TUBGCP3: variants seen among roughly 807,000 people sequenced by gnomAD.
The protein encoded by TUBGCP3 is gamma-tubulin complex component 3.
A neutral mutation model predicts 123.1 loss-of-function variants in TUBGCP3; 50 were observed. The ratio of observed to expected loss-of-function variants is 0.41; its 90% CI spans 0.32 to 0.51. The LOEUF (loss-of-function observed/expected upper bound fraction) is 0.51, where lower values mean the gene tolerates loss of function less well. Among genes scored for constraint, TUBGCP3 ranks in the 20% least tolerant of loss-of-function variants. TUBGCP3 has a pLI of 0.36. For synonymous variants in TUBGCP3, 405 were observed against 413.9 expected, an observed-to-expected ratio of 0.98 and a Z score of 0.26; for missense variants, 882 against 1,127.0, an observed-to-expected ratio of 0.78 and a Z score of 3.11.
intron 3 of TUBGCP3, among the ~76,000 whole-genome samples, chr13:112,562,870 C>T (rs9577806): frequency 0.16 from 24,010 of 152,168 alleles, 2,158 homozygotes; most frequent in East Asian, 0.21. Flanking sequence ...GCAAAGCAGC[C>T]GTTTAGTGCC....
At chr13:112,497,381 G>A (rs1880596961) in intron 20 of TUBGCP3, among the ~76,000 whole-genome samples, 1 of 152,196 alleles carries the variant, frequency 6.6e-6, no homozygotes, top group Non-Finnish European at 1.5e-5. Context: ...TTTGAATGAT[G>A]AGAGCCCTTA....
At chr13:112,533,816 T>TA (rs1555340599) in intron 11 of TUBGCP3, among the ~76,000 whole-genome samples, 12,337 of 146,858 alleles carry the variant, frequency 0.084, 1,410 homozygotes, top group African/African-American at 0.25. Flanking sequence ...TTTTTTTTTT[T>TA]AATTTTCTAT....
intron 20 of TUBGCP3, among the ~76,000 whole-genome samples, chr13:112,490,685 G>A (rs1417803236): frequency 6.6e-6 from 1 of 152,112 alleles, no homozygotes; most frequent in Non-Finnish European, 1.5e-5. Flanking sequence ...TATATTTCAT[G>A]TGAGATTTCT....
At chr13:112,495,430 G>A (rs1195168616) in intron 20 of TUBGCP3, among the ~76,000 whole-genome samples, 1 of 152,122 alleles carries the variant, frequency 6.6e-6, no homozygotes, top group Non-Finnish European at 1.5e-5. Flanking sequence ...CAAGAATGAT[G>A]TCTTATTATA....
intron 1 of TUBGCP3, among the ~76,000 whole-genome samples, chr13:112,579,558 G>C (rs1228978773): frequency 7.6e-6 from 1 of 130,976 alleles, no homozygotes; most frequent in Non-Finnish European, 1.6e-5. Flanking sequence ...CTGAGTGCCG[G>C]GGGGCCACGG....
At chr13:112,521,662 C>T in intron 14 of TUBGCP3, 2 of 985,344 alleles carry the variant, frequency 2.0e-6, no homozygotes, top group Non-Finnish European at 2.4e-6. Context: ...ATTTATCTTA[C>T]TTTAAGTGTC....
chr13:112,564,120 CAA>C (rs35566099), intron 3 of TUBGCP3, among the ~76,000 whole-genome samples: 4 of 151,910 alleles, frequency 2.6e-5, no homozygotes, highest in Non-Finnish European at 5.9e-5. Context: ...AATGAATGGA[CAA>C]AAAAGGTTCC....
At chr13:112,570,897 T>G (rs1418235406) in intron 1 of TUBGCP3, among the ~76,000 whole-genome samples, 1 of 152,174 alleles carries the variant, frequency 6.6e-6, no homozygotes, top group East Asian at 1.9e-4. Context: ...TCAGCAGGAG[T>G]AGATTCCACC....
At chr13:112,491,920 T>C (rs879764719) in intron 20 of TUBGCP3, among the ~76,000 whole-genome samples, 3 of 152,258 alleles carry the variant, frequency 2.0e-5, no homozygotes, top group Admixed American at 6.5e-5. Flanking sequence ...TTATGTGGGT[T>C]TAACCCAAGT....
rs1228402746 is a variant in TUBGCP3 at position 112,519,091 on chromosome 13, T to C, written c.1882-48A>G. The C allele has an allele frequency of 2.0e-6, 3 of 1,479,190 alleles. No individual in the cohort carries two copies. The highest frequency in any genetic ancestry group is 4.5e-5 in the East Asian group (2 of 44,252). The allele number at this position is 1,479,190 out of a possible 1,614,324, so 91.6% of individuals were successfully genotyped here. ...AATTGCAAGACCTTAAGCTTCTTGC[T>C]GAAGAACTTGTTAACGCAAAGAAAA... On this transcript the variant is annotated intron_variant, in intron 15 of 21. Coordinates refer to ENST00000261965, the MANE Select transcript of TUBGCP3 (RefSeq NM_006322.6). The surrounding 1 kb of genome is among the most constrained non-coding windows in gnomAD (Gnocchi z 6.2).
At position 112,522,437 on chromosome 13, in the gene TUBGCP3, T is replaced by C; in HGVS notation, c.1628A>G (p.Lys543Arg). 1 of 1,614,132 alleles carries C rather than the reference T, an allele frequency of 6.2e-7. No homozygotes were observed. Among genetic ancestry groups the C allele is most frequent in the Non-Finnish European group, 8.5e-7 (1 of 1,179,960 alleles). Residue 543 changes from lysine (K) to arginine (R), a missense_variant, in exon 14 of 22, where the codon AAA becomes AGA. Lys to Arg is a conservative substitution (Grantham distance 26, BLOSUM62 2). Transcript: ENST00000261965. ...TTTATTGAGAACATCCAACAGGTAT[T>C]TGCTGGTCTCAAAATAAGCAGCATC... ...KIDAAYFETS[K>R]YLLDVLNKKY...
intron 13 of TUBGCP3, among the ~76,000 whole-genome samples, chr13:112,523,872 T>G (rs763449501): frequency 8.5e-5 from 13 of 152,250 alleles, no homozygotes; most frequent in Non-Finnish European, 1.6e-4. Flanking sequence ...GAATTTGACA[T>G]GTTCTCCTGT....
Position 112,588,136 on chromosome 13 carries a change from G to C in TUBGCP3, c.-156C>G, listed in dbSNP as rs1882769620. On this transcript the variant is annotated 5_prime_UTR_variant, in exon 1 of 22. Transcript: ENST00000261965. The stretch of plus-strand genomic sequence containing the variant: ...CCGGCCACCAGGGCGCCATTTTAAC[G>C]GAACCCGCCGAAAGCGCGGGCGCTT... 5 of 543,306 alleles carry C rather than the reference G, an allele frequency of 9.2e-6. No homozygotes were observed. The highest frequency in any genetic ancestry group is 1.5e-5 in the Non-Finnish European group (5 of 343,844). 33.7% of individuals were successfully genotyped at this position (543,306 alleles called of 1,614,324 possible).
rs141693562 is a variant in TUBGCP3 at position 112,531,280 on chromosome 13, C to T, written c.1336-3796G>A. Among the ~76,000 whole-genome samples the T allele has an allele frequency of 8.3e-4, 127 of 152,308 alleles. 3 individuals carry two copies. In the East Asian group the frequency reaches 0.022, roughly 26 times the overall value. ...TTTATTTTCAACTAAAATGTCTTAT[C>T]TTTAAGTATCAATGTAAATGACTGA... On this transcript the variant is annotated intron_variant, in intron 11 of 21. Coordinates refer to ENST00000261965, the MANE Select transcript of TUBGCP3 (RefSeq NM_006322.6).
At chr13:112,516,962 T>C (rs1876189635) in intron 16 of TUBGCP3, among the ~76,000 whole-genome samples, 1 of 152,206 alleles carries the variant, frequency 6.6e-6, no homozygotes, top group African/African-American at 2.4e-5. Flanking sequence ...GAATCTCCCG[T>C]CTGAAAAGAA....
intron 14 of TUBGCP3, among the ~76,000 whole-genome samples, chr13:112,520,483 C>T (rs1166215798): frequency 6.6e-6 from 1 of 151,920 alleles, no homozygotes; most frequent in African/African-American, 2.4e-5. Context: ...GAGCCAAGAT[C>T]GTGCCACTAC....
chr13:112,602,671 A>C, the TUBGCP3 span, among the ~76,000 whole-genome samples: 1 of 152,208 alleles, frequency 6.6e-6, no homozygotes, highest in African/African-American at 2.4e-5. Flanking sequence ...CTCACAAAAC[A>C]ATTGAGTGGG....
At chr13:112,565,354 C>T (rs1880872339) in intron 2 of TUBGCP3, among the ~76,000 whole-genome samples, 176 bp from the exon 3 acceptor site, 1 of 152,182 alleles carries the variant, frequency 6.6e-6, no homozygotes, top group South Asian at 2.1e-4. Flanking sequence ...ATTCATCTAA[C>T]CTCCCTGACA....
chr13:112,550,784 C>T (rs1412453200), intron 8 of TUBGCP3, among the ~76,000 whole-genome samples: 1 of 152,216 alleles, frequency 6.6e-6, no homozygotes, highest in East Asian at 1.9e-4. Flanking sequence ...CACATAAACA[C>T]ATCAAAGCTT....
Sources: allele counts gnomAD v4.1 joint callset (sites outside exome capture counted in the v4.1 genomes callset), GRCh38; gene constraint gnomAD v4.1.1; non-coding constraint Gnocchi (gnomAD v3.1); transcripts MANE v1.5; gene names NCBI Gene and HGNC (gene_info 2026-07-23, HGNC 2026-07-21).